NUBPL: variants seen among roughly 807,000 people sequenced by gnomAD.
The protein encoded by NUBPL is NUBP iron-sulfur cluster assembly factor, mitochondrial, also known as iron-sulfur cluster transfer protein NUBPL.
Under a neutral mutation model 45.7 loss-of-function variants are expected in NUBPL, and 31 were observed. That is an observed-to-expected ratio of 0.68 (90% CI 0.51 to 0.92). The LOEUF (loss-of-function observed/expected upper bound fraction) is 0.92, where lower values mean the gene tolerates loss of function less well. Among genes scored for constraint, NUBPL ranks in the 40% least tolerant of loss-of-function variants. The pLI is 0.00. For synonymous variants in NUBPL, 144 were observed against 140.9 expected (o/e 1.02, Z -0.15); for missense variants, 401 against 398.7 (o/e 1.01, Z -0.05).
At chr14:31,681,476 T>TC (rs2036832098) in intron 6 of NUBPL, among the ~76,000 whole-genome samples, 2 of 44,892 alleles carry the variant, frequency 4.5e-5, no homozygotes, top group Admixed American at 5.9e-4. Context: ...ACTTTACTGG[T>TC]TTTTTTTTTC....
At chr14:31,740,980 C>T (rs1213676694) in intron 6 of NUBPL, among the ~76,000 whole-genome samples, 3 of 152,168 alleles carry the variant, frequency 2.0e-5, no homozygotes, top group African/African-American at 7.2e-5. Context: ...CTTAGAATTT[C>T]CATCTGTTTA....
At chr14:31,602,043 G>A (rs1360084945) in intron 4 of NUBPL, among the ~76,000 whole-genome samples, 1 of 152,130 alleles carries the variant, frequency 6.6e-6, no homozygotes, top group Non-Finnish European at 1.5e-5. Flanking sequence ...TATACACCAT[G>A]GAATACTATG....
chr14:31,847,294 C>T (rs17379796), intron 9 of NUBPL, among the ~76,000 whole-genome samples: 15,322 of 152,232 alleles, frequency 0.1, 947 homozygotes, highest in Non-Finnish European at 0.14. Flanking sequence ...AGTGTTCGTT[C>T]TTAGTGCATA....
At chr14:31,732,980 T>C (rs1167290339) in intron 6 of NUBPL, among the ~76,000 whole-genome samples, 2 of 152,148 alleles carry the variant, frequency 1.3e-5, no homozygotes, top group Non-Finnish European at 2.9e-5. Context: ...GTGAGGAAAT[T>C]CTATGTTTTC....
At chr14:31,640,178 G>A (rs879305239) in intron 4 of NUBPL, among the ~76,000 whole-genome samples, 1 of 152,176 alleles carries the variant, frequency 6.6e-6, no homozygotes, top group African/African-American at 2.4e-5. Flanking sequence ...CTTCTGCATC[G>A]CTCATGCTGG....
At chr14:31,613,733 G>A (rs1235102767) in intron 4 of NUBPL, among the ~76,000 whole-genome samples, 1 of 152,092 alleles carries the variant, frequency 6.6e-6, no homozygotes, top group Non-Finnish European at 1.5e-5. Context: ...TGGGATTACA[G>A]GTGTGAGCCA....
intron 4 of NUBPL, among the ~76,000 whole-genome samples, chr14:31,666,873 G>A (rs932015872): frequency 6.6e-6 from 1 of 152,118 alleles, no homozygotes; most frequent in Non-Finnish European, 1.5e-5. Context: ...AATGTTGAAT[G>A]TTGGCCCCTA....
chr14:31,659,983 A>G (rs1169914352), intron 4 of NUBPL, among the ~76,000 whole-genome samples: 2 of 152,188 alleles, frequency 1.3e-5, no homozygotes, highest in Non-Finnish European at 2.9e-5. Context: ...TAGGGTTCCA[A>G]GATGGTACAA....
intron 4 of NUBPL, among the ~76,000 whole-genome samples, chr14:31,610,728 A>G (rs1312704508): frequency 6.6e-6 from 1 of 152,064 alleles, no homozygotes; most frequent in African/African-American, 2.4e-5. Flanking sequence ...TAGACCATTC[A>G]TCATGACCAA....
At chr14:31,600,744 G>A (rs943449638) in intron 4 of NUBPL, among the ~76,000 whole-genome samples, 10 of 151,488 alleles carry the variant, frequency 6.6e-5, no homozygotes, top group Non-Finnish European at 4.4e-5. Flanking sequence ...CTGTGCAGAA[G>A]CTCTTTAGTT....
At chr14:31,832,510 C>T (rs1229318597) in intron 8 of NUBPL, among the ~76,000 whole-genome samples, 1 of 152,056 alleles carries the variant, frequency 6.6e-6, no homozygotes, top group African/African-American at 2.4e-5. Flanking sequence ...AAATCTCTGC[C>T]CTTCTTCTCT....
At chr14:31,825,201 A>G (rs969734771) in intron 7 of NUBPL, among the ~76,000 whole-genome samples, 2 of 129,914 alleles carry the variant, frequency 1.5e-5, no homozygotes, top group Non-Finnish European at 3.6e-5. Context: ...TTTTAAGAAT[A>G]TAAACTTCTA....
At position 31,828,786 on chromosome 14, in the gene NUBPL, G is replaced by A. The variant is rs983778737; in HGVS notation, c.693+2072G>A. Among the ~76,000 whole-genome samples the A allele has an allele frequency of 4.6e-5, 7 of 152,218 alleles. 1 individual carries two copies. The South Asian group carries it at 1.5e-3, about 32-fold the overall frequency. On this transcript the variant is annotated intron_variant, in intron 8 of 10. Coordinates refer to ENST00000281081, the MANE Select transcript of NUBPL (RefSeq NM_025152.3). ...GTAAACCTGTATACCTGTGAACGTG[G>A]ATACTTAATCTCATACTGTTCTGAC...
At chr14:31,787,985 A>T (rs541764349) in intron 7 of NUBPL, 112 bp downstream of exon 7, 3 of 699,390 alleles carry the variant, frequency 4.3e-6, no homozygotes, top group South Asian at 3.3e-5. Flanking sequence ...ATATTCATTC[A>T]CTTATAAATT....
chr14:31,807,154 G>A (rs1202959313), intron 7 of NUBPL, among the ~76,000 whole-genome samples: 1 of 152,180 alleles, frequency 6.6e-6, no homozygotes, highest in Non-Finnish European at 1.5e-5. Context: ...GGATGGCTGG[G>A]TCAAATGGTG....
chr14:31,791,761 T>A (rs2039386954), intron 7 of NUBPL, among the ~76,000 whole-genome samples: 1 of 152,148 alleles, frequency 6.6e-6, no homozygotes, highest in South Asian at 2.1e-4. Context: ...TTCATGGAAG[T>A]GGACCTTGAA....
At chr14:31,847,577 A>G (rs2040473626) in intron 9 of NUBPL, among the ~76,000 whole-genome samples, 1 of 152,206 alleles carries the variant, frequency 6.6e-6, no homozygotes, top group South Asian at 2.1e-4. Flanking sequence ...TTTTTAGAAA[A>G]CATGTTTTGA....
At chr14:31,688,659 T>TTG (rs531313552) in intron 6 of NUBPL, among the ~76,000 whole-genome samples, 2 of 38,312 alleles carry the variant, frequency 5.2e-5, no homozygotes, top group African/African-American at 9.5e-5. Context: ...TTTGTTGTTG[T>TTG]TTTTTTTTTT....
At chr14:31,829,719 C>T (rs1382627885) in intron 8 of NUBPL, among the ~76,000 whole-genome samples, 3 of 152,098 alleles carry the variant, frequency 2.0e-5, no homozygotes, top group Admixed American at 2.0e-4. Context: ...CATTGGAATT[C>T]ATCGGTATGG....
Sources: allele counts gnomAD v4.1 joint callset (sites outside exome capture counted in the v4.1 genomes callset), GRCh38; gene constraint gnomAD v4.1.1; transcripts MANE v1.5; gene names NCBI Gene and HGNC (gene_info 2026-07-23, HGNC 2026-07-21).